ZNF385D: variants seen among roughly 807,000 people sequenced by gnomAD.
ZNF385D encodes zinc finger protein 659.
In ZNF385D, 15 loss-of-function variants were observed where a neutral mutation model predicts 35.8. The ratio of observed to expected loss-of-function variants is 0.42; its 90% CI spans 0.28 to 0.64. The LOEUF is 0.64. ZNF385D is among the 30% of genes least tolerant of loss of function. The pLI is 0.23. For synonymous variants in ZNF385D, 212 were observed against 186.8 expected, an observed-to-expected ratio of 1.13 and a Z score of -1.10; for missense variants, 474 against 494.6, an observed-to-expected ratio of 0.96 and a Z score of 0.39.
chr3:21,481,247 T>G (rs998774865), intron 4 of ZNF385D, among the ~76,000 whole-genome samples: 1 of 152,196 alleles, frequency 6.6e-6, no homozygotes, highest in African/African-American at 2.4e-5. Context: ...GCTAACAGAC[T>G]CTTTCTTTAG....
chr3:22,194,240 A>G (rs976558900), intron 2 of ZNF385D, among the ~76,000 whole-genome samples: 1 of 151,894 alleles, frequency 6.6e-6, no homozygotes, highest in Non-Finnish European at 1.5e-5. Context: ...TGCCAAAATT[A>G]AAGTATTAAT....
rs545557721 is a variant in ZNF385D at position 22,358,136 on chromosome 3, C to G, written c.106+14314G>C. On this transcript the variant is annotated intron_variant, in intron 2 of 5. Transcript: ENST00000494108. ...GCAGTGTCAAATATTTCAGCATGTTCAAGAAGTAATACTGAAAAGAGACTT... is the reference window on the plus strand; with the variant it reads ...GCAGTGTCAAATATTTCAGCATGTTGAAGAAGTAATACTGAAAAGAGACTT... 2.0e-4 allele frequency among the ~76,000 whole-genome samples: 31 copies of G among 151,864 alleles called. No homozygotes were observed. The South Asian group carries it at 6.0e-3, about 29-fold the overall frequency.
At chr3:22,129,036 G>A (rs984666453) in intron 3 of ZNF385D, among the ~76,000 whole-genome samples, 2 of 152,174 alleles carry the variant, frequency 1.3e-5, no homozygotes, top group African/African-American at 4.8e-5. Flanking sequence ...AGCCATATGG[G>A]CATTAGGCAG....
intron 3 of ZNF385D, among the ~76,000 whole-genome samples, chr3:21,837,713 A>T (rs1559675762): frequency 6.6e-6 from 1 of 151,988 alleles, no homozygotes; most frequent in East Asian, 1.9e-4. Context: ...CTCTACTAAA[A>T]ATATAAAAAT....
intron 2 of ZNF385D, among the ~76,000 whole-genome samples, chr3:22,190,844 C>G (rs185395578): frequency 2.0e-5 from 3 of 151,730 alleles, no homozygotes; most frequent in Non-Finnish European, 4.4e-5. Flanking sequence ...GTAATTTAAT[C>G]TAGTTTAACA....
At chr3:21,703,925 C>A (rs888226694) in intron 1 of ZNF385D, among the ~76,000 whole-genome samples, 1 of 152,162 alleles carries the variant, frequency 6.6e-6, no homozygotes, top group South Asian at 2.1e-4. Flanking sequence ...TTAAGATCTT[C>A]GAACATGCCA....
At chr3:21,586,471 A>G (rs747435225) in intron 2 of ZNF385D, among the ~76,000 whole-genome samples, 4 of 152,216 alleles carry the variant, frequency 2.6e-5, no homozygotes, top group Non-Finnish European at 5.9e-5. Flanking sequence ...TGTATGTCCA[A>G]TGCTTATGGT....
At chr3:22,044,867 A>G (rs59680323) in intron 3 of ZNF385D, among the ~76,000 whole-genome samples, 16,494 of 152,032 alleles carry the variant, frequency 0.11, 1,185 homozygotes, top group South Asian at 0.26. Flanking sequence ...TTGTGAGAAA[A>G]AGAGATGATG....
At chr3:22,311,857 G>A (rs1703571649) in intron 2 of ZNF385D, among the ~76,000 whole-genome samples, 1 of 152,006 alleles carries the variant, frequency 6.6e-6, no homozygotes, top group South Asian at 2.1e-4. Context: ...AGAGTTTCTA[G>A]GAGTACTGCT....
rs138065077 is a variant in ZNF385D, at chr3:22,084,225, C to T, written c.325+84592G>A. Among the ~76,000 whole-genome samples, 137 of 152,238 alleles carry T rather than the reference C, an allele frequency of 9.0e-4. 1 individual carries two copies. The highest frequency in any genetic ancestry group is 3.1e-3 in the African/African-American group (127 of 41,554). On this transcript the variant is annotated intron_variant, in intron 3 of 5. Coordinates refer to the ZNF385D transcript ENST00000494108. ...TCATAATGACAGGATCAAATTCACA[C>T]ATAACAATATTAACCTTAAATGTAA...
intron 3 of ZNF385D, among the ~76,000 whole-genome samples, chr3:21,808,789 C>T (rs893086642): frequency 1.4e-4 from 22 of 152,272 alleles, no homozygotes; most frequent in African/African-American, 5.3e-4. Context: ...ATACATGAAT[C>T]CAACCAGAAT....
intron 1 of ZNF385D, among the ~76,000 whole-genome samples, chr3:21,684,403 T>TCC (rs11291858): frequency 1.4e-5 from 1 of 70,806 alleles, no homozygotes; most frequent in African/African-American, 8.0e-5. Flanking sequence ...TCTCTCTCTC[T>TCC]CCTCTCTCTC....
chr3:22,066,857 A>T lies in ZNF385D; in HGVS notation c.325+101960T>A, dbSNP rs143042856. On this transcript the variant is annotated intron_variant, in intron 3 of 5. Transcript: ENST00000494108. Reference sequence around the variant, plus strand: ...GAAAATATATTTCCTTGAAAACATAATCCAGGTTGCTAAATAACTTTTACC... The same window carrying T: ...GAAAATATATTTCCTTGAAAACATATTCCAGGTTGCTAAATAACTTTTACC... 2.0e-3 allele frequency among the ~76,000 whole-genome samples: 299 copies of T among 152,308 alleles called. 1 individual carries two copies. Among genetic ancestry groups the T allele is most frequent in the African/African-American group, 6.6e-3 (274 of 41,570 alleles).
chr3:22,136,051 C>T (rs771630399), intron 3 of ZNF385D, among the ~76,000 whole-genome samples: 3 of 152,094 alleles, frequency 2.0e-5, no homozygotes, highest in Non-Finnish European at 4.4e-5. Flanking sequence ...TGTGACCTAG[C>T]GTTAGTGAAG....
chr3:21,893,268 G>A (rs1698972386), intron 3 of ZNF385D, among the ~76,000 whole-genome samples: 1 of 152,158 alleles, frequency 6.6e-6, no homozygotes, highest in African/African-American at 2.4e-5. Context: ...TCTGCTTTTA[G>A]CACAGATACA....
At chr3:21,619,275 C>A (rs2064934316) in intron 2 of ZNF385D, among the ~76,000 whole-genome samples, 1 of 152,080 alleles carries the variant, frequency 6.6e-6, no homozygotes, top group East Asian at 1.9e-4. Flanking sequence ...CTTGTGAATA[C>A]AATCTTTTAT....
chr3:21,846,175 A>C (rs1229818924), intron 3 of ZNF385D, among the ~76,000 whole-genome samples: 1 of 152,038 alleles, frequency 6.6e-6, no homozygotes, highest in African/African-American at 2.4e-5. Context: ...ACAGCTAGGG[A>C]AACAGGCCAA....
chr3:21,757,981 G>C (rs1346775566), intron 3 of ZNF385D, among the ~76,000 whole-genome samples: 1 of 152,154 alleles, frequency 6.6e-6, no homozygotes, highest in Non-Finnish European at 1.5e-5. Flanking sequence ...TGTTCCTACT[G>C]AGAATATAAA....
chr3:22,204,193 G>A (rs1270833212), intron 2 of ZNF385D, among the ~76,000 whole-genome samples: 1 of 152,052 alleles, frequency 6.6e-6, no homozygotes, highest in Non-Finnish European at 1.5e-5. Context: ...GATAACAAGA[G>A]TTTCTGTCTG....
Sources: allele counts gnomAD v4.1 joint callset (sites outside exome capture counted in the v4.1 genomes callset), GRCh38; gene constraint gnomAD v4.1.1; transcripts MANE v1.5; gene names NCBI Gene and HGNC (gene_info 2026-07-23, HGNC 2026-07-21).